SMAD9: variants seen among roughly 807,000 people sequenced by gnomAD.
The protein encoded by SMAD9 is SMAD family member 9.
Under a neutral mutation model 46.1 loss-of-function variants are expected in SMAD9, and 36 were observed. That is an observed-to-expected ratio of 0.78 (90% CI 0.60 to 1.03). The LOEUF is 1.03. Ranked by LOEUF, SMAD9 falls within the 50% of genes least tolerant of loss-of-function variation. SMAD9 has a pLI of 0.00. For missense variants in SMAD9, 572 were observed against 599.8 expected (o/e 0.95, Z 0.48); for synonymous variants, 245 against 237.1 (o/e 1.03, Z -0.31).
chr13:36,849,780 T>C lies in SMAD9; in HGVS notation c.1261-961A>G, dbSNP rs537130535. 2.6e-5 allele frequency: 4 copies of C among 152,352 alleles called. No homozygotes were observed. In the East Asian group the frequency reaches 7.7e-4, roughly 29 times the overall value. 9.4% of individuals were successfully genotyped at this position (152,352 alleles called of 1,614,324 possible). ...CTTTCTACCTCTTACCACAGATTAA[T>C]TATTTGTGTTTCCAAATAAGCTGGT... is the stretch of plus-strand genomic sequence containing the variant. On this transcript the variant is annotated intron_variant, in intron 6 of 6. Transcript: ENST00000379826.
At chr13:36,892,324 G>A (rs1276414959) in intron 1 of SMAD9, among the ~76,000 whole-genome samples, 1 of 152,098 alleles carries the variant, frequency 6.6e-6, no homozygotes, top group Admixed American at 6.5e-5. Context: ...ATGTGCTAAG[G>A]AGTCATGAAA....
chr13:36,853,245 A>T (rs912933297), intron 6 of SMAD9, among the ~76,000 whole-genome samples, 174 bp downstream of exon 6: 1 of 152,196 alleles, frequency 6.6e-6, no homozygotes, highest in African/African-American at 2.4e-5. Flanking sequence ...AGATCATGCC[A>T]CTGCACTCCA....
chr13:36,905,763 A>G (rs2058613815), intron 1 of SMAD9, among the ~76,000 whole-genome samples: 1 of 130,144 alleles, frequency 7.7e-6, no homozygotes, highest in African/African-American at 2.9e-5. Context: ...TAAAAGGGCA[A>G]GACCCTGTCT....
intron 1 of SMAD9, among the ~76,000 whole-genome samples, chr13:36,912,717 T>C (rs865975260): frequency 5.9e-5 from 9 of 152,184 alleles, no homozygotes; most frequent in African/African-American, 1.9e-4. Context: ...CATCTCTAAG[T>C]TCTCATAAGG....
chr13:36,864,884 G>A (rs945518414), intron 5 of SMAD9, among the ~76,000 whole-genome samples: 2 of 152,156 alleles, frequency 1.3e-5, no homozygotes. Context: ...GGTATCAATC[G>A]AAGATACCAA....
intron 6 of SMAD9, 31 bp from the exon 7 acceptor site, chr13:36,848,850 T>A: frequency 2.5e-6 from 4 of 1,610,380 alleles, no homozygotes; most frequent in Non-Finnish European, 3.4e-6. Context: ...TGAGTGATGG[T>A]GCCACACTTA....
intron 1 of SMAD9, among the ~76,000 whole-genome samples, chr13:36,919,434 G>C (rs890557579): frequency 2.0e-5 from 3 of 152,084 alleles, no homozygotes; most frequent in Admixed American, 2.0e-4. Flanking sequence ...CGCGAGCCCG[G>C]AGACACTTCA....
chr13:36,885,264 A>C (rs1225733217), intron 1 of SMAD9, among the ~76,000 whole-genome samples: 1 of 152,196 alleles, frequency 6.6e-6, no homozygotes, highest in African/African-American at 2.4e-5. Context: ...TTTACACACA[A>C]GTATAAAACT....
intron 6 of SMAD9, 42 bp from the exon 7 acceptor site, chr13:36,848,861 C>A (rs1040598237): frequency 6.2e-7 from 1 of 1,606,492 alleles, no homozygotes; most frequent in Non-Finnish European, 8.5e-7. Flanking sequence ...GCCACACTTA[C>A]ACTCAGCCTC....
chr13:36,900,086 A>G (rs963306734), intron 1 of SMAD9, among the ~76,000 whole-genome samples: 1 of 150,588 alleles, frequency 6.6e-6, no homozygotes, highest in Admixed American at 6.6e-5. Context: ...TTTTCCTTCT[A>G]CTCTCCCCCT....
In SMAD9 at chr13:36,867,258, T is replaced by A; in HGVS notation, c.781+15A>T. 1.4e-6 allele frequency: 2 copies of A among 1,455,748 alleles called. No individual in the cohort carries two copies. Among genetic ancestry groups the A allele is most frequent in the South Asian group, 2.4e-5 (2 of 82,178 alleles). The allele number at this position is 1,455,748 out of a possible 1,614,324, so 90.2% of individuals were successfully genotyped here. A position where few individuals can be genotyped will look rare whatever the true frequency, so the allele number is the denominator to read the frequency against. ...TTGGAAAATAGCTACATTTCACTGT[T>A]CATCTGCAATTTACCTCCATTTGGT... On this transcript the variant is annotated intron_variant, in intron 4 of 6. Transcript: ENST00000379826.
intron 5 of SMAD9, among the ~76,000 whole-genome samples, chr13:36,857,995 T>C (rs2058142981): frequency 6.6e-6 from 1 of 152,196 alleles, no homozygotes; most frequent in South Asian, 2.1e-4. Flanking sequence ...TATAGTTAGA[T>C]ATAAACTCCA....
intron 5 of SMAD9, among the ~76,000 whole-genome samples, chr13:36,859,207 C>A (rs943750134): frequency 9.2e-5 from 14 of 151,950 alleles, no homozygotes; most frequent in Non-Finnish European, 2.9e-5. Context: ...AGATGAGAAG[C>A]CTTACATGTG....
chr13:36,887,531 C>A (rs868597606), intron 1 of SMAD9, among the ~76,000 whole-genome samples: 11 of 152,116 alleles, frequency 7.2e-5, no homozygotes, highest in Non-Finnish European at 1.5e-4. Flanking sequence ...CCGACTTGAT[C>A]ATTTTTAAGT....
rs2058029898 is a variant in SMAD9 at position 36,845,053 on chromosome 13, C to T, written c.*3623G>A. ...CTATTAAAATCGTAACAGGGAAAGA[C>T]AAAATGTGAAATGCATGTTATATTT... On this transcript the variant is annotated 3_prime_UTR_variant, in exon 7 of 7. Coordinates refer to ENST00000379826, the MANE Select transcript of SMAD9 (RefSeq NM_001127217.3). The T allele has an allele frequency of 6.6e-6, 1 of 151,754 alleles. No individual in the cohort carries two copies. The highest frequency in any genetic ancestry group is 1.5e-5 in the Non-Finnish European group (1 of 67,962). The allele number at this position is 151,754 out of a possible 1,614,324, so 9.4% of individuals were successfully genotyped here. A position where few individuals can be genotyped will look rare whatever the true frequency, so the allele number is the denominator to read the frequency against.
In SMAD9 at chr13:36,845,129, T is replaced by A. The variant is rs1037131709; in HGVS notation, c.*3547A>T. 31 of 151,982 alleles carry A rather than the reference T, an allele frequency of 2.0e-4. No individual in the cohort carries two copies. The highest frequency in any genetic ancestry group is 7.0e-4 in the African/African-American group (29 of 41,448). 9.4% of individuals were successfully genotyped at this position (151,982 alleles called of 1,614,324 possible). Reference sequence around the variant, plus strand: ...GTGTGTGTGTGTATATATATATATATATATACACACTAAATATTTGGGACA... The same window carrying A: ...GTGTGTGTGTGTATATATATATATAAATATACACACTAAATATTTGGGACA... On this transcript the variant is annotated 3_prime_UTR_variant, in exon 7 of 7. Transcript: ENST00000379826.
rs142662999 is a variant in SMAD9 at position 36,845,317 on chromosome 13, TAAAACAAAAC to T, written c.*3349_*3358del. 6.6e-6 allele frequency: 1 copy of T among 152,030 alleles called. No homozygotes were observed. The highest frequency in any genetic ancestry group is 2.4e-5 in the African/African-American group (1 of 41,360). The allele number at this position is 152,030 out of a possible 1,614,324, so 9.4% of individuals were successfully genotyped here. A position where few individuals can be genotyped will look rare whatever the true frequency, so the allele number is the denominator to read the frequency against. Reference sequence around the variant, plus strand: ...AACTTCTCCTGATTTATACTGAGTGTAAAACAAAACAAAACAAAACATAAGGTATATGTGT... The same window carrying T: ...AACTTCTCCTGATTTATACTGAGTGTAAAACAAAACATAAGGTATATGTGT... On this transcript the variant is annotated 3_prime_UTR_variant, in exon 7 of 7. Transcript: ENST00000379826.
chr13:36,886,101 T>C (rs1391176788), intron 1 of SMAD9, among the ~76,000 whole-genome samples: 1 of 152,192 alleles, frequency 6.6e-6, no homozygotes, highest in Non-Finnish European at 1.5e-5. Context: ...CGAATCACTG[T>C]CACAGCTGCA....
At chr13:36,911,797 C>T (rs1214587215) in intron 1 of SMAD9, among the ~76,000 whole-genome samples, 1 of 152,186 alleles carries the variant, frequency 6.6e-6, no homozygotes, top group Admixed American at 6.5e-5. Flanking sequence ...CAACCTCTGC[C>T]TCCTGGGTTC....
Sources: gnomAD v4.1 joint callset for allele counts (sites outside exome capture counted in the v4.1 genomes callset) on GRCh38, gnomAD v4.1.1 for gene constraint, MANE v1.5 for transcripts, NCBI Gene and HGNC (gene_info 2026-07-23, HGNC 2026-07-21) for gene names.